The following ABR variants were observed in gnomAD, a reference collection of about 807,000 sequenced individuals.
ABR encodes active breakpoint cluster region-related protein.
ABR carries 35 observed loss-of-function variants against 107.2 expected under a neutral mutation model. The observed-to-expected ratio is 0.33, with a 90% CI of 0.25 to 0.43. The LOEUF is 0.43. Among genes scored for constraint, ABR ranks in the 20% least tolerant of loss-of-function variants. The pLI is 1.00. For missense variants in ABR, 815 were observed against 1,115.2 expected (o/e 0.73, Z 3.83); for synonymous variants, 498 against 462.0 (o/e 1.08, Z -1.00).
At chr17:1,153,547 G>A (rs1288040478) in intron 1 of ABR, among the ~76,000 whole-genome samples, 15 of 109,682 alleles carry the variant, frequency 1.4e-4, no homozygotes, top group East Asian at 1.2e-3. Flanking sequence ...AGGCACACCT[G>A]CGGGAGGGCT....
At chr17:1,042,168 G>A (rs2030639286) in intron 16 of ABR, among the ~76,000 whole-genome samples, 1 of 145,438 alleles carries the variant, frequency 6.9e-6, no homozygotes, top group Non-Finnish European at 1.5e-5. Context: ...GTGCACGGAT[G>A]GACGGACGGA....
At chr17:1,152,011 C>G (rs1251065890) in intron 1 of ABR, among the ~76,000 whole-genome samples, 1 of 142,782 alleles carries the variant, frequency 7.0e-6, no homozygotes, top group Non-Finnish European at 1.5e-5. Flanking sequence ...AAAAGTTAGC[C>G]AGGCGTGGTG....
At chr17:1,199,921 T>C (rs1186483764) in intron 1 of ABR, among the ~76,000 whole-genome samples, 2 of 128,712 alleles carry the variant, frequency 1.6e-5, no homozygotes, top group East Asian at 7.7e-4. Flanking sequence ...TAGAGCTCTT[T>C]TTTCTTTTTT....
In ABR at chr17:1,030,409, G is replaced by T. The variant is rs150565876; in HGVS notation, c.1792-17245C>A. ...TGCTGGCCTCAGCAGGGGCTGGGGA[G>T]GGGATGAGTCCACGCTGCCGGGCAC... On this transcript the variant is annotated intron_variant, in intron 16 of 22. Coordinates refer to ENST00000302538, the MANE Select transcript of ABR (RefSeq NM_021962.5). Among the ~76,000 whole-genome samples the T allele has an allele frequency of 5.9e-3, 900 of 152,330 alleles. 11 individuals carry two copies. Among genetic ancestry groups the T allele is most frequent in the African/African-American group, 0.021 (854 of 41,578 alleles).
chr17:1,180,830 G>C (rs950735984), upstream of ABR, among the ~76,000 whole-genome samples: 1 of 152,206 alleles, frequency 6.6e-6, no homozygotes, highest in East Asian at 1.9e-4. Context: ...CCTGTGGGCT[G>C]ATTCTGTGGG....
At chr17:1,106,006 G>A (rs78264237) in intron 2 of ABR, among the ~76,000 whole-genome samples, 2 of 152,146 alleles carry the variant, frequency 1.3e-5, no homozygotes, top group Admixed American at 1.3e-4. Flanking sequence ...TCTTTAAATA[G>A]AATGGCATGA....
intron 3 of ABR, among the ~76,000 whole-genome samples, chr17:1,097,284 C>T (rs1286103797): frequency 6.6e-6 from 1 of 152,180 alleles, no homozygotes; most frequent in East Asian, 1.9e-4. Flanking sequence ...AACGAACACT[C>T]AGGCTGTGTT....
chr17:1,078,801 G>A lies in ABR; in HGVS notation c.700+529C>T, dbSNP rs1054607125. Reference sequence around the variant, plus strand: ...GAGGGTCCGCCACCTCCCACAGCGAGCACCTGGGTTACCATAGGTGCAGTT... The same window carrying A: ...GAGGGTCCGCCACCTCCCACAGCGAACACCTGGGTTACCATAGGTGCAGTT... On this transcript the variant is annotated intron_variant, in intron 6 of 22. Coordinates refer to ENST00000302538, the MANE Select transcript of ABR (RefSeq NM_021962.5). The surrounding 1 kb of genome is among the most constrained non-coding windows in gnomAD (Gnocchi z 7.5). The A allele has an allele frequency of 6.3e-5, 96 of 1,535,234 alleles. No individual in the cohort carries two copies. Among genetic ancestry groups the A allele is most frequent in the Non-Finnish European group, 8.1e-5 (93 of 1,146,734 alleles).
chr17:1,156,460 G>T (rs2041046118), intron 1 of ABR, among the ~76,000 whole-genome samples: 1 of 152,202 alleles, frequency 6.6e-6, no homozygotes, highest in Non-Finnish European at 1.5e-5. Context: ...GAGGTGGAAG[G>T]ATCACCTGAC....
chr17:1,069,223 G>A (rs2035011738), intron 9 of ABR, among the ~76,000 whole-genome samples: 1 of 152,106 alleles, frequency 6.6e-6, no homozygotes, highest in Non-Finnish European at 1.5e-5. Flanking sequence ...AGGGAAGGAA[G>A]CAGCGCGGCA....
At chr17:1,033,969 ATTTTT>A (rs560978094) in intron 16 of ABR, among the ~76,000 whole-genome samples, 1 of 124,582 alleles carries the variant, frequency 8.0e-6, no homozygotes, top group Non-Finnish European at 1.6e-5. Flanking sequence ...CACTCATGTC[ATTTTT>A]TTTTTTTTTT....
chr17:1,128,373 C>A (rs921948271), intron 1 of ABR, among the ~76,000 whole-genome samples: 1 of 152,240 alleles, frequency 6.6e-6, no homozygotes, highest in Non-Finnish European at 1.5e-5. Context: ...GAAGAAAAGG[C>A]AGACAAGGCA....
chr17:1,191,052 C>T (rs911636498), upstream of ABR, among the ~76,000 whole-genome samples: 2 of 152,194 alleles, frequency 1.3e-5, no homozygotes, highest in Non-Finnish European at 1.5e-5. Context: ...ACCACCACGC[C>T]GGCCCGAGGG....
At chr17:1,207,645 G>A (rs1327268325) in intron 1 of ABR, among the ~76,000 whole-genome samples, 6 of 107,770 alleles carry the variant, frequency 5.6e-5, no homozygotes, top group Middle Eastern at 5.9e-3. Context: ...GCGAAACTCC[G>A]TCTCAAAAAA....
At chr17:1,125,563 C>G in intron 1 of ABR, 196 bp from the exon 2 acceptor site, 1 of 408,070 alleles carries the variant, frequency 2.5e-6, no homozygotes, top group Non-Finnish European at 4.2e-6. Context: ...CCGGGCCCTG[C>G]CCGCTCCGGG....
chr17:1,034,091 C>G (rs1229210846), intron 16 of ABR, among the ~76,000 whole-genome samples: 1 of 151,982 alleles, frequency 6.6e-6, no homozygotes, highest in Admixed American at 6.6e-5. Context: ...CTGCCTCAGC[C>G]CCTTGAGTAG....
chr17:1,190,627 G>A (rs1241578132), upstream of ABR, among the ~76,000 whole-genome samples: 1 of 152,154 alleles, frequency 6.6e-6, no homozygotes, highest in Non-Finnish European at 1.5e-5. Flanking sequence ...GCAAGAGAGT[G>A]AGGCTCCATC....
chr17:1,173,221 C>G (rs2041801002), intron 1 of ABR, among the ~76,000 whole-genome samples: 1 of 129,546 alleles, frequency 7.7e-6, no homozygotes, highest in Admixed American at 7.8e-5. Context: ...TCAGTCCACT[C>G]AACACATCAC....
intron 1 of ABR, among the ~76,000 whole-genome samples, chr17:1,169,870 G>A (rs773222462): frequency 2.0e-5 from 3 of 152,066 alleles, no homozygotes; most frequent in Admixed American, 6.5e-5. Context: ...CCGCGTCCTC[G>A]CCCCTGGCCT....
Sources: allele counts gnomAD v4.1 joint callset (sites outside exome capture counted in the v4.1 genomes callset), GRCh38; gene constraint gnomAD v4.1.1; non-coding constraint Gnocchi (gnomAD v3.1); transcripts MANE v1.5; gene names NCBI Gene and HGNC (gene_info 2026-07-23, HGNC 2026-07-21).